Variants in ZZEF1 observed in about 807,000 individuals in gnomAD.
ZZEF1 encodes zinc finger ZZ-type and EF-hand domain containing 1.
A neutral mutation model predicts 342.8 loss-of-function variants in ZZEF1; 157 were observed. That is an observed-to-expected ratio of 0.46 (90% CI 0.40 to 0.52). The LOEUF is 0.52. ZZEF1 is among the 20% of genes least tolerant of loss of function. The pLI is 0.00. For missense variants in ZZEF1, 3,480 were observed against 3,725.6 expected (o/e 0.93, Z 1.72); for synonymous variants, 1,505 against 1,429.1 (o/e 1.05, Z -1.20).
chr17:4,080,500 C>T (rs1018634829), intron 18 of ZZEF1, among the ~76,000 whole-genome samples: 5 of 152,226 alleles, frequency 3.3e-5, no homozygotes, highest in East Asian at 1.9e-4. Context: ...CCACCACGCC[C>T]AGCTAATTTT....
intron 40 of ZZEF1, 24 bp downstream of exon 40, chr17:4,033,991 T>TA: frequency 6.2e-7 from 1 of 1,609,902 alleles, no homozygotes; most frequent in African/African-American, 1.3e-5. Context: ...GGCAGGTGGT[T>TA]AGAGGAGCGA....
intron 37 of ZZEF1, among the ~76,000 whole-genome samples, chr17:4,048,781 T>C (rs1368293324): frequency 1.3e-5 from 2 of 152,108 alleles, no homozygotes; most frequent in Admixed American, 1.3e-4. Context: ...TGGCGCCATC[T>C]TGGCTCACTG....
chr17:4,007,891 G>T (rs2055845519), intron 54 of ZZEF1, among the ~76,000 whole-genome samples: 1 of 151,998 alleles, frequency 6.6e-6, no homozygotes, highest in African/African-American at 2.4e-5. Context: ...CTCTTGGCTG[G>T]GTGTCCCGGC....
intron 24 of ZZEF1, 118 bp downstream of exon 24, chr17:4,074,032 T>C: frequency 1.8e-6 from 2 of 1,134,198 alleles, no homozygotes; most frequent in Non-Finnish European, 2.5e-6. Context: ...TAAAGGAAAC[T>C]GAAAAGGCGT....
chr17:4,128,309 C>T lies in ZZEF1; in HGVS notation c.355-4258G>A, dbSNP rs1424674414. ...GTTGCAGTGAGCTGAGATGGCGCCA[C>T]CGCACTCCAGCCTGGGTGACAGAGC... On this transcript the variant is annotated intron_variant, in intron 1 of 54. Coordinates refer to ENST00000381638, the MANE Select transcript of ZZEF1 (RefSeq NM_015113.4). Among the ~76,000 whole-genome samples, 7 of 144,574 alleles carry T rather than the reference C, an allele frequency of 4.8e-5. No homozygotes were observed. The East Asian group carries it at 8.1e-4, about 17-fold the overall frequency. The allele number at this position is 144,574 out of a possible 152,430, so 94.8% of individuals were successfully genotyped here.
intron 28 of ZZEF1, 59 bp from the exon 29 acceptor site, chr17:4,064,888 G>GA: frequency 3.1e-6 from 4 of 1,285,608 alleles, no homozygotes; most frequent in Non-Finnish European, 4.3e-6. Flanking sequence ...TGGGGGAGGG[G>GA]GAGGGGAGAG....
chr17:4,019,572 C>T (rs918668970), intron 46 of ZZEF1, 97 bp downstream of exon 46: 111 of 1,108,194 alleles, frequency 1.0e-4, no homozygotes, highest in African/African-American at 5.9e-4. Context: ...GTCGGAGCGT[C>T]GATCGATCCA....
intron 8 of ZZEF1, among the ~76,000 whole-genome samples, chr17:4,102,803 T>C (rs2058148877): frequency 6.6e-6 from 1 of 152,198 alleles, no homozygotes; most frequent in Non-Finnish European, 1.5e-5. Context: ...ATTTTAGGTC[T>C]CGTTTCTTTA....
At chr17:4,124,717 C>T (rs1359354584) in intron 1 of ZZEF1, among the ~76,000 whole-genome samples, 5 of 151,676 alleles carry the variant, frequency 3.3e-5, no homozygotes, top group Non-Finnish European at 7.4e-5. Flanking sequence ...CTCAGCCTCC[C>T]AAAGTGCTGG....
chr17:4,114,338 T>A lies in ZZEF1; in HGVS notation c.827A>T (p.Tyr276Phe). 1 of 1,609,968 alleles carries A rather than the reference T, an allele frequency of 6.2e-7. No homozygotes were observed. Among genetic ancestry groups the A allele is most frequent in the Middle Eastern group, 1.7e-4 (1 of 6,056 alleles). Residue 276 changes from tyrosine (Y) to phenylalanine (F), a missense_variant, in exon 4 of 55, where the codon TAC (tyrosine) becomes TTC (phenylalanine). Transcript: ENST00000381638. ...DKMTNGETSS[Y>F]WQSDGSACSH... ...ACAGGCACTGCCATCTGACTGCCAG[T>A]AGGATGAGGTTTCTCCATTTGTCAT...
chr17:4,112,560 A>C (rs772477763), intron 5 of ZZEF1, 49 bp downstream of exon 5: 7 of 1,593,958 alleles, frequency 4.4e-6, no homozygotes, highest in Non-Finnish European at 6.0e-6. Context: ...CAAAGTAAAA[A>C]ATACTACTCC....
At chr17:4,036,422 G>A (rs2145078528) in intron 39 of ZZEF1, among the ~76,000 whole-genome samples, 1 of 152,220 alleles carries the variant, frequency 6.6e-6, no homozygotes, top group Admixed American at 6.5e-5. Flanking sequence ...AGCCATATTG[G>A]ATACCTTCAG....
rs367934690 is a variant in ZZEF1, at chr17:4,092,299, C to CTTT, written c.1914-1472_1914-1470dup. On this transcript the variant is annotated intron_variant, in intron 11 of 54. Coordinates refer to ENST00000381638, the MANE Select transcript of ZZEF1 (RefSeq NM_015113.4). The stretch of plus-strand genomic sequence containing the variant: ...TCTGTAACAGAGAGAAAACATGTCC[C>CTTT]TTTTTTTTTTTTTTTTTGAGATGGA... 7.9e-4 allele frequency among the ~76,000 whole-genome samples: 94 copies of CTTT among 118,366 alleles called. 1 individual carries two copies. The highest frequency in any genetic ancestry group is 1.1e-3 in the African/African-American group (34 of 30,966). The allele number at this position is 118,366 out of a possible 152,430, so 77.7% of individuals were successfully genotyped here.
At chr17:4,015,246 G>C (rs917867568) in intron 49 of ZZEF1, among the ~76,000 whole-genome samples, 1 of 152,250 alleles carries the variant, frequency 6.6e-6, no homozygotes, top group Non-Finnish European at 1.5e-5. Flanking sequence ...GACCACATGT[G>C]CCTGTATGGG....
In ZZEF1 at chr17:4,109,705, C is replaced by T. The variant is rs933983409; in HGVS notation, c.1225G>A (p.Ala409Thr). 1.2e-6 allele frequency: 2 copies of T among 1,614,010 alleles called. No homozygotes were observed. The highest frequency in any genetic ancestry group is 2.7e-5 in the African/African-American group (2 of 74,892). Residue 409 changes from alanine to threonine, a missense_variant, in exon 6 of 55, where the codon GCT becomes ACT. Physicochemically the swap from Ala to Thr is moderately conservative, Grantham distance 58. Transcript: ENST00000381638. ...YWSLLTSLVT[A>T]SMETNPAFVQ... is the part of the protein sequence containing the mutation. ...AAGGCGGGATTTGTCTCCATAGAAGCCGTCACCAGAGATGTCAGCAGAGAC... is the reference window on the plus strand; with the variant it reads ...AAGGCGGGATTTGTCTCCATAGAAGTCGTCACCAGAGATGTCAGCAGAGAC...
intron 9 of ZZEF1, among the ~76,000 whole-genome samples, chr17:4,097,970 G>A (rs1277522957): frequency 6.6e-6 from 1 of 150,846 alleles, no homozygotes; most frequent in Non-Finnish European, 1.5e-5. Flanking sequence ...GGGTGTGGTG[G>A]CTCACACCTA....
chr17:4,022,548 T>C, intron 44 of ZZEF1, 161 bp downstream of exon 44: 1 of 937,346 alleles, frequency 1.1e-6, no homozygotes, highest in South Asian at 1.7e-5. Flanking sequence ...GGTGTCATAA[T>C]CCCTATTTCC....
At chr17:4,051,745 AG>A (rs1284392491) in intron 35 of ZZEF1, among the ~76,000 whole-genome samples, 9 of 144,784 alleles carry the variant, frequency 6.2e-5, no homozygotes, top group African/African-American at 2.4e-4. Context: ...ACTTTAACAC[AG>A]GAAAAAAAAA....
chr17:4,052,533 G>C (rs370593902), intron 34 of ZZEF1, among the ~76,000 whole-genome samples: 1 of 152,048 alleles, frequency 6.6e-6, no homozygotes, highest in African/African-American at 2.4e-5. Context: ...CAGAATCACA[G>C]ATGAAAACAG....
Sources: gnomAD v4.1 joint callset for allele counts (sites outside exome capture counted in the v4.1 genomes callset) on GRCh38, gnomAD v4.1.1 for gene constraint, MANE v1.5 for transcripts, NCBI Gene and HGNC (gene_info 2026-07-23, HGNC 2026-07-21) for gene names.